The following NBEA variants were observed in gnomAD, a reference collection of about 807,000 sequenced individuals.
The protein encoded by NBEA is neurobeachin, also known as lysosomal-trafficking regulator 2.
Under a neutral mutation model 343.4 loss-of-function variants are expected in NBEA, and 44 were observed. That is an observed-to-expected ratio of 0.13 (90% confidence interval 0.10 to 0.16). The LOEUF (loss-of-function observed/expected upper bound fraction) is 0.16, where lower values mean the gene tolerates loss of function less well. NBEA is among the 10% of genes least tolerant of loss of function. The pLI is 1.00. For missense variants in NBEA, 2,555 were observed against 3,631.3 expected (o/e 0.70, Z 7.62); for synonymous variants, 1,175 against 1,238.7 (o/e 0.95, Z 1.08).
intron 48 of NBEA, 72 bp from the exon 49 acceptor site, chr13:35,628,007 TAA>T: frequency 3.9e-6 from 4 of 1,024,358 alleles, no homozygotes; most frequent in Non-Finnish European, 5.4e-6. Flanking sequence ...TATTTCAAAG[TAA>T]AAAAAAAATA....
chr13:35,570,313 C>T (rs1004138470), intron 45 of NBEA, among the ~76,000 whole-genome samples: 2 of 152,240 alleles, frequency 1.3e-5, no homozygotes, highest in African/African-American at 2.4e-5. Flanking sequence ...GGATTACAGG[C>T]GTGAGCCACC....
chr13:35,295,640 G>A (rs2152821589), intron 35 of NBEA, among the ~76,000 whole-genome samples: 1 of 152,258 alleles, frequency 6.6e-6, no homozygotes, highest in South Asian at 2.1e-4. Context: ...TATGGAGAAA[G>A]TTATGTACTG....
chr13:35,663,264 C>A (rs372185339), intron 55 of NBEA, among the ~76,000 whole-genome samples: 2 of 152,320 alleles, frequency 1.3e-5, no homozygotes, highest in East Asian at 3.9e-4. Context: ...CATTAACCAA[C>A]ACCTTCCCAC....
chr13:35,048,069 GTT>G (rs2062928336), intron 4 of NBEA, among the ~76,000 whole-genome samples: 1 of 151,650 alleles, frequency 6.6e-6, no homozygotes, highest in Non-Finnish European at 1.5e-5. Flanking sequence ...GCCTTTCTTA[GTT>G]TCAATGTTGT....
intron 14 of NBEA, among the ~76,000 whole-genome samples, chr13:35,117,747 T>C (rs879411703): frequency 7.2e-5 from 11 of 151,996 alleles, no homozygotes; most frequent in African/African-American, 1.2e-4. Flanking sequence ...CTTATTCTTA[T>C]AGTAATTGAC....
intron 33 of NBEA, among the ~76,000 whole-genome samples, chr13:35,216,164 GT>G (rs969092637): frequency 9.3e-5 from 14 of 150,830 alleles, no homozygotes; most frequent in African/African-American, 1.2e-4. Context: ...TTTTTAGAGT[GT>G]TTTTTTTCTA....
chr13:35,454,112 C>T (rs1184026788), intron 40 of NBEA, among the ~76,000 whole-genome samples: 2 of 152,136 alleles, frequency 1.3e-5, no homozygotes, highest in Non-Finnish European at 2.9e-5. Flanking sequence ...GATCCTCTGC[C>T]TACTCTGTAG....
chr13:35,013,273 A>G (rs1318568807), intron 1 of NBEA, among the ~76,000 whole-genome samples: 2 of 152,154 alleles, frequency 1.3e-5, no homozygotes, highest in Non-Finnish European at 2.9e-5. Flanking sequence ...TGAGAGATAT[A>G]TCTAGCCCCC....
At chr13:35,055,957 A>C (rs1593607437) in intron 6 of NBEA, 53 bp from the exon 7 acceptor site, 2 of 1,412,236 alleles carry the variant, frequency 1.4e-6, no homozygotes, top group East Asian at 5.2e-5. Context: ...ATTGCATTTT[A>C]GACTGTAACA....
intron 39 of NBEA, among the ~76,000 whole-genome samples, chr13:35,441,777 A>G (rs1398612720): frequency 2.0e-5 from 3 of 152,028 alleles, no homozygotes; most frequent in Non-Finnish European, 2.9e-5. Flanking sequence ...CCTATTTGAA[A>G]ATACATGGAA....
At chr13:35,050,176 A>G (rs2063015285) in intron 5 of NBEA, 93 bp from the exon 6 acceptor site, 1 of 1,216,582 alleles carries the variant, frequency 8.2e-7, no homozygotes, top group African/African-American at 1.5e-5. Flanking sequence ...GTACAGGGAA[A>G]TAAGTTTTAT....
At chr13:34,990,794 TTAAGTA>T (rs2060724737) in intron 1 of NBEA, among the ~76,000 whole-genome samples, 1 of 152,258 alleles carries the variant, frequency 6.6e-6, no homozygotes, top group South Asian at 2.1e-4. Context: ...TGTTTCCTTT[TTAAGTA>T]TAAGTTCCAG....
chr13:35,086,412 T>C (rs982947769), intron 10 of NBEA, among the ~76,000 whole-genome samples: 9 of 151,994 alleles, frequency 5.9e-5, no homozygotes, highest in African/African-American at 2.2e-4. Context: ...ACTGTATGTT[T>C]GTACCGACTA....
At chr13:35,645,099 A>T (rs2084161979) in intron 49 of NBEA, among the ~76,000 whole-genome samples, 1 of 152,204 alleles carries the variant, frequency 6.6e-6, no homozygotes, top group South Asian at 2.1e-4. Flanking sequence ...AGGAGGACAG[A>T]TTTTTAAATT....
At chr13:35,014,909 CT>C (rs2061599034) in intron 1 of NBEA, among the ~76,000 whole-genome samples, 1 of 151,872 alleles carries the variant, frequency 6.6e-6, no homozygotes, top group African/African-American at 2.4e-5. Flanking sequence ...TGACCTTTGG[CT>C]TCAGGCTCAT....
chr13:35,102,144 G>A (rs902209177), intron 11 of NBEA, among the ~76,000 whole-genome samples: 1 of 151,564 alleles, frequency 6.6e-6, no homozygotes. Context: ...TGAGGTATAA[G>A]GGTCAAGGTT....
intron 41 of NBEA, chr13:35,474,615 T>C (rs2075784617): frequency 6.4e-6 from 1 of 155,728 alleles, no homozygotes; most frequent in African/African-American, 2.4e-5. Context: ...CAATGTGAGA[T>C]CACAATATTT....
intron 38 of NBEA, among the ~76,000 whole-genome samples, chr13:35,409,540 A>G (rs761122796): frequency 7.2e-5 from 11 of 152,170 alleles, no homozygotes; most frequent in Non-Finnish European, 1.6e-4. Flanking sequence ...TTCAAAGTTC[A>G]CTGTAAGTGA....
At chr13:35,416,028 C>T (rs1270074729) in intron 38 of NBEA, among the ~76,000 whole-genome samples, 1 of 152,030 alleles carries the variant, frequency 6.6e-6, no homozygotes, top group African/African-American at 2.4e-5. Context: ...TGATTTGGCT[C>T]CCTGTTTGTT....
Sources: gnomAD v4.1 joint callset for allele counts (sites outside exome capture counted in the v4.1 genomes callset) on GRCh38, gnomAD v4.1.1 for gene constraint, MANE v1.5 for transcripts, NCBI Gene and HGNC (gene_info 2026-07-23, HGNC 2026-07-21) for gene names.